DNAH9: variants seen among roughly 807,000 people sequenced by gnomAD.
The protein encoded by DNAH9 is DNAH9 variant protein.
DNAH9 carries 345 observed loss-of-function variants against 471.6 expected under a neutral mutation model. That is an observed-to-expected ratio of 0.73 (90% CI 0.67 to 0.80). DNAH9 has a LOEUF of 0.80. Among genes scored for constraint, DNAH9 ranks in the 30% least tolerant of loss-of-function variants. The probability of loss-of-function intolerance (pLI) is 0.00; values close to 1 mark genes in which losing one functional copy is unlikely to be tolerated. For synonymous variants in DNAH9, 2,093 were observed against 2,123.6 expected (o/e 0.99, Z 0.40); for missense variants, 5,407 against 5,609.2 (o/e 0.96, Z 1.15).
At chr17:11,828,670 C>T (rs993961900) in intron 48 of DNAH9, among the ~76,000 whole-genome samples, 1 of 152,124 alleles carries the variant, frequency 6.6e-6, no homozygotes, top group African/African-American at 2.4e-5. Flanking sequence ...CAACAGTACT[C>T]TTGCAGCGCC....
chr17:11,924,058 C>G, intron 62 of DNAH9, 117 bp downstream of exon 62: 2 of 1,383,204 alleles, frequency 1.4e-6, no homozygotes, highest in Non-Finnish European at 2.0e-6. Context: ...CACTCTTGTC[C>G]CCTTCATTTC....
chr17:11,955,337 G>GA (rs922759285), intron 67 of DNAH9, among the ~76,000 whole-genome samples: 337 of 140,482 alleles, frequency 2.4e-3, no homozygotes, highest in South Asian at 0.012. Flanking sequence ...CACTTTACAG[G>GA]AAAAAAAAAA....
intron 6 of DNAH9, 25 bp downstream of exon 6, chr17:11,619,806 T>G (rs1045265244): frequency 2.1e-6 from 3 of 1,410,562 alleles, no homozygotes; most frequent in Non-Finnish European, 3.0e-6. Flanking sequence ...CACCTCAGGC[T>G]GCCAGCCCCA....
Position 11,669,193 on chromosome 17 carries a change from C to T in DNAH9, c.2861C>T (p.Thr954Ile). ...GFCDIVEGLITSIFRIPSLVP... is the reference protein window; with the variant it reads ...GFCDIVEGLIISIFRIPSLVP... The stretch of plus-strand genomic sequence containing the variant: ...TGTGACATTGTTGAGGGTCTCATCA[C>T]CAGCATTTTTAGGATACCATCTCTG... Residue 954 changes from threonine to isoleucine, a missense_variant, in exon 16 of 69, where the codon ACC becomes ATC. Thr to Ile is a moderately conservative substitution (Grantham distance 89). Around this residue, in one of 3 missense-constraint regions of DNAH9, gnomAD observed 4,636 missense variants for 4,900.3 expected, o/e 0.95. Transcript: ENST00000262442. 1 of 1,614,006 alleles carries T rather than the reference C, an allele frequency of 6.2e-7. No homozygotes were observed. Among genetic ancestry groups the T allele is most frequent in the Non-Finnish European group, 8.5e-7 (1 of 1,179,934 alleles).
chr17:11,813,440 G>A (rs568022920), intron 45 of DNAH9, among the ~76,000 whole-genome samples: 6 of 152,182 alleles, frequency 3.9e-5, no homozygotes, highest in East Asian at 1.9e-4. Flanking sequence ...CCAAAGCTGC[G>A]GGGATGACGC....
At chr17:11,659,518 C>A (rs1240196480) in intron 14 of DNAH9, among the ~76,000 whole-genome samples, 1 of 152,182 alleles carries the variant, frequency 6.6e-6, no homozygotes, top group Non-Finnish European at 1.5e-5. Flanking sequence ...GGGCATAAAA[C>A]CCCTTGTAGC....
At chr17:11,771,259 G>A (rs934365090) in intron 38 of DNAH9, among the ~76,000 whole-genome samples, 4 of 152,116 alleles carry the variant, frequency 2.6e-5, no homozygotes, top group Non-Finnish European at 4.4e-5. Context: ...CTCCCAAGTA[G>A]CTGGGATTAC....
chr17:11,772,565 C>T (rs117307230), intron 38 of DNAH9, among the ~76,000 whole-genome samples: 6,823 of 152,166 alleles, frequency 0.045, 192 homozygotes, highest in African/African-American at 0.071. Flanking sequence ...TAGGTTCAAG[C>T]GATTCTCCTG....
At chr17:11,838,544 T>C (rs771649764) in intron 49 of DNAH9, among the ~76,000 whole-genome samples, 4 of 151,922 alleles carry the variant, frequency 2.6e-5, no homozygotes, top group Non-Finnish European at 5.9e-5. Flanking sequence ...GAAAAGAACA[T>C]CCCAGGAAGG....
intron 61 of DNAH9, among the ~76,000 whole-genome samples, chr17:11,907,906 C>T (rs963018004): frequency 5.3e-5 from 8 of 152,120 alleles, no homozygotes; most frequent in Non-Finnish European, 7.4e-5. Flanking sequence ...TAGTAATAAC[C>T]TTATATCACC....
At position 11,651,207 on chromosome 17, in the gene DNAH9, TACA is replaced by T. The variant is rs770136922; in HGVS notation, c.2241_2243del (p.Asn747del). 6.8e-6 allele frequency: 11 copies of T among 1,613,968 alleles called. No individual in the cohort carries two copies. In the Middle Eastern group the frequency reaches 4.9e-4, roughly 72 times the overall value. On this transcript the variant is annotated inframe_deletion, in exon 13 of 69. Coordinates refer to ENST00000262442, the MANE Select transcript of DNAH9 (RefSeq NM_001372.4). ...TAATTTAGAGTTGATGGCAAATTGG[TACA>T]ACAAGGTTATGAAAACTCTGCTGGA...
chr17:11,743,559 A>G (rs780041235), intron 30 of DNAH9, among the ~76,000 whole-genome samples: 3 of 152,108 alleles, frequency 2.0e-5, no homozygotes, highest in African/African-American at 7.2e-5. Flanking sequence ...TCCTACCTCA[A>G]CAGCAGCGGC....
At chr17:11,887,937 A>G (rs1254904327) in intron 57 of DNAH9, among the ~76,000 whole-genome samples, 1 of 151,832 alleles carries the variant, frequency 6.6e-6, no homozygotes, top group African/African-American at 2.4e-5. Context: ...ATTTTAACTC[A>G]GAGTCTCTGC....
intron 41 of DNAH9, among the ~76,000 whole-genome samples, chr17:11,785,892 C>T (rs922160951): frequency 6.6e-6 from 1 of 152,194 alleles, no homozygotes; most frequent in African/African-American, 2.4e-5. Flanking sequence ...GCAAGAGAGA[C>T]TCAGCTCTGA....
intron 42 of DNAH9, 65 bp from the exon 43 acceptor site, chr17:11,797,532 C>T (rs1969285945): frequency 7.3e-7 from 1 of 1,365,916 alleles, no homozygotes; most frequent in African/African-American, 1.4e-5. Context: ...TCAGGTGTCT[C>T]TGCTCTGTGG....
intron 43 of DNAH9, among the ~76,000 whole-genome samples, chr17:11,804,408 A>G (rs1019385559): frequency 2.0e-5 from 3 of 152,256 alleles, no homozygotes; most frequent in Non-Finnish European, 4.4e-5. Flanking sequence ...AATTGAAAAC[A>G]TACATAAAAG....
intron 32 of DNAH9, among the ~76,000 whole-genome samples, 165 bp downstream of exon 32, chr17:11,747,931 T>A (rs1417565647): frequency 6.6e-6 from 1 of 152,122 alleles, no homozygotes; most frequent in African/African-American, 2.4e-5. Context: ...CAATTTTGGC[T>A]TGCAGGGGAA....
Position 11,744,846 on chromosome 17 carries a change from C to G in DNAH9, c.6161C>G (p.Ala2054Gly). The G allele has an allele frequency of 6.2e-7, 1 of 1,614,148 alleles. No homozygotes were observed. The highest frequency in any genetic ancestry group is 8.5e-7 in the Non-Finnish European group (1 of 1,179,998). Residue 2054 changes from alanine to glycine, a missense_variant, in exon 31 of 69, where the codon GCA becomes GGA. By Grantham distance (60) the Ala-to-Gly change is moderately conservative (BLOSUM62 0). Coordinates refer to ENST00000262442, the MANE Select transcript of DNAH9 (RefSeq NM_001372.4). ...GCCATCAAGTCCGTGCTGGTGGTGG[C>G]AGGATCCCTGAAGAGAGGAGACCCT... ...LRAIKSVLVV[A>G]GSLKRGDPDR... is the part of the protein sequence containing the mutation.
intron 60 of DNAH9, 29 bp downstream of exon 60, chr17:11,902,941 C>A (rs1252536298): frequency 6.2e-7 from 1 of 1,603,932 alleles, no homozygotes; most frequent in Non-Finnish European, 8.5e-7. Flanking sequence ...GAAGGCCCAG[C>A]ATAGGCATGG....
Sources: allele counts gnomAD v4.1 joint callset (sites outside exome capture counted in the v4.1 genomes callset), GRCh38; gene constraint gnomAD v4.1.1; regional missense constraint gnomAD v4.1.1; transcripts MANE v1.5; gene names NCBI Gene and HGNC (gene_info 2026-07-23, HGNC 2026-07-21).